EMCN: variants seen among roughly 807,000 people sequenced by gnomAD.
The protein encoded by EMCN is endomucin.
A neutral mutation model predicts 38.4 loss-of-function variants in EMCN; 37 were observed. The ratio of observed to expected loss-of-function variants is 0.96; its 90% CI spans 0.74 to 1.27. The LOEUF is 1.27. EMCN is among the 50% of genes most tolerant of loss of function. The pLI, the probability that EMCN is intolerant of heterozygous loss-of-function variation, is 0.00. For synonymous variants in EMCN, 95 were observed against 100.8 expected (o/e 0.94, Z 0.35); for missense variants, 318 against 302.8 (o/e 1.05, Z -0.37).
intron 9 of EMCN, 96 bp downstream of exon 9, chr4:100,417,021 C>T: frequency 7.8e-7 from 1 of 1,279,104 alleles, no homozygotes; most frequent in South Asian, 1.2e-5. Context: ...ATTTTCTACA[C>T]TTTAGAAATA....
chr4:100,513,459 A>G (rs1206388482), intron 1 of EMCN, among the ~76,000 whole-genome samples: 1 of 152,154 alleles, frequency 6.6e-6, no homozygotes, highest in Non-Finnish European at 1.5e-5. Context: ...ACTTGTAAAA[A>G]AGCCATTTTG....
intron 3 of EMCN, among the ~76,000 whole-genome samples, chr4:100,472,376 G>A (rs1381277203): frequency 1.3e-5 from 2 of 151,726 alleles, no homozygotes; most frequent in African/African-American, 4.8e-5. Context: ...TTTATTAAAA[G>A]TGAATAAAAT....
At chr4:100,458,653 G>T (rs944738539) in intron 4 of EMCN, among the ~76,000 whole-genome samples, 3 of 152,136 alleles carry the variant, frequency 2.0e-5, no homozygotes, top group Admixed American at 6.5e-5. Flanking sequence ...GGGACCTAAA[G>T]TCAGAAGGCC....
intron 5 of EMCN, among the ~76,000 whole-genome samples, chr4:100,437,891 T>G (rs1407716445): frequency 6.6e-6 from 1 of 152,150 alleles, no homozygotes; most frequent in Non-Finnish European, 1.5e-5. Context: ...GGGTCATTCA[T>G]GTTTTCATAC....
At chr4:100,430,307 T>C (rs1391561892) in intron 5 of EMCN, among the ~76,000 whole-genome samples, 1 of 152,148 alleles carries the variant, frequency 6.6e-6, no homozygotes. Context: ...GTCTGTGGTA[T>C]CAACCCCAAA....
intron 4 of EMCN, among the ~76,000 whole-genome samples, chr4:100,459,304 C>T (rs1166638836): frequency 1.3e-5 from 2 of 149,152 alleles, no homozygotes; most frequent in African/African-American, 2.5e-5. Context: ...GTGTGTACAC[C>T]ATATATATAT....
chr4:100,465,973 A>G (rs1055143057), intron 3 of EMCN, among the ~76,000 whole-genome samples: 4 of 152,188 alleles, frequency 2.6e-5, no homozygotes, highest in African/African-American at 9.7e-5. Context: ...GTAATTAAGT[A>G]TGGCACTATT....
chr4:100,401,160 T>C (rs1242119181), intron 11 of EMCN, among the ~76,000 whole-genome samples: 6 of 152,116 alleles, frequency 3.9e-5, no homozygotes. Flanking sequence ...TATTAAGAAA[T>C]TCATTCAGGA....
chr4:100,488,901 T>G (rs1472377934), intron 1 of EMCN, among the ~76,000 whole-genome samples: 1 of 152,190 alleles, frequency 6.6e-6, no homozygotes, highest in Non-Finnish European at 1.5e-5. Context: ...AGAGAGAATT[T>G]TTTTTGCCCT....
chr4:100,470,900 G>A (rs1025565462), intron 3 of EMCN, among the ~76,000 whole-genome samples: 2 of 151,924 alleles, frequency 1.3e-5, no homozygotes, highest in African/African-American at 4.8e-5. Context: ...ATACTTTGCA[G>A]TAAATGAATA....
chr4:100,483,758 G>T (rs1728873603), intron 1 of EMCN, among the ~76,000 whole-genome samples: 1 of 152,154 alleles, frequency 6.6e-6, no homozygotes, highest in Admixed American at 6.6e-5. Flanking sequence ...CATGATGCAA[G>T]TAACACCAGA....
chr4:100,460,078 AC>A (rs1185293436), intron 4 of EMCN, among the ~76,000 whole-genome samples: 3 of 152,136 alleles, frequency 2.0e-5, no homozygotes, highest in Non-Finnish European at 2.9e-5. Flanking sequence ...TATATCTTTG[AC>A]AGCACTTTTT....
chr4:100,397,818 A>G lies in EMCN; in HGVS notation c.*595T>C, dbSNP rs1040658534. ...ACATTGCCATTTTCACAGTCATGTT[A>G]TAGTATTTTTAGAGTATTGAGTACA... On this transcript the variant is annotated 3_prime_UTR_variant, in exon 12 of 12. Coordinates refer to ENST00000296420, the MANE Select transcript of EMCN (RefSeq NM_016242.4). 1 of 152,180 alleles carries G rather than the reference A, an allele frequency of 6.6e-6. No individual in the cohort carries two copies. The highest frequency in any genetic ancestry group is 6.6e-5 in the Admixed American group (1 of 15,264). 9.4% of individuals were successfully genotyped at this position (152,180 alleles called of 1,614,324 possible).
chr4:100,430,760 A>G (rs1468259671), intron 5 of EMCN, among the ~76,000 whole-genome samples: 1 of 152,208 alleles, frequency 6.6e-6, no homozygotes, highest in Non-Finnish European at 1.5e-5. Flanking sequence ...CAGAATCTGT[A>G]CAATTTCTTA....
At chr4:100,449,444 T>G (rs891486969) in intron 4 of EMCN, among the ~76,000 whole-genome samples, 1 of 152,090 alleles carries the variant, frequency 6.6e-6, no homozygotes, top group South Asian at 2.1e-4. Context: ...AGCTTTTCCT[T>G]CCACTAAACT....
chr4:100,438,036 C>A (rs895023583), intron 5 of EMCN, among the ~76,000 whole-genome samples: 1 of 151,796 alleles, frequency 6.6e-6, no homozygotes, highest in African/African-American at 2.4e-5. Flanking sequence ...TACAGTGTAT[C>A]TTTCCATTTA....
intron 1 of EMCN, among the ~76,000 whole-genome samples, chr4:100,509,633 CT>C (rs1356678869): frequency 3.3e-5 from 5 of 152,148 alleles, no homozygotes; most frequent in Non-Finnish European, 7.4e-5. Flanking sequence ...AAAAGTATTT[CT>C]TTTCCCACTT....
At chr4:100,483,977 C>G (rs1169366467) in intron 1 of EMCN, among the ~76,000 whole-genome samples, 1 of 152,066 alleles carries the variant, frequency 6.6e-6, no homozygotes. Flanking sequence ...AAGCAGATAG[C>G]GCTGCTCTTG....
intron 8 of EMCN, among the ~76,000 whole-genome samples, chr4:100,418,547 C>T (rs762623576): frequency 1.5e-4 from 23 of 152,234 alleles, no homozygotes; most frequent in Non-Finnish European, 2.4e-4. Context: ...CCCTCCACTA[C>T]CCTTCCCAGC....
Sources: allele counts gnomAD v4.1 joint callset (sites outside exome capture counted in the v4.1 genomes callset), GRCh38; gene constraint gnomAD v4.1.1; transcripts MANE v1.5; gene names NCBI Gene and HGNC (gene_info 2026-07-23, HGNC 2026-07-21).